The following TENM3 variants were observed in gnomAD, a reference collection of about 807,000 sequenced individuals.
The protein encoded by TENM3 is teneurin-3.
Under a neutral mutation model 255.1 loss-of-function variants are expected in TENM3, and 63 were observed. That is an observed-to-expected ratio of 0.25 (90% confidence interval 0.20 to 0.30). The LOEUF (loss-of-function observed/expected upper bound fraction) is 0.30, where lower values mean the gene tolerates loss of function less well. Among genes scored for constraint, TENM3 ranks in the 10% least tolerant of loss-of-function variants. The pLI is 1.00. For missense variants in TENM3, 2,929 were observed against 3,461.1 expected (o/e 0.85, Z 3.86); for synonymous variants, 1,306 against 1,322.3 (o/e 0.99, Z 0.27).
intron 3 of TENM3, among the ~76,000 whole-genome samples, chr4:182,517,123 AT>A (rs925367701): frequency 2.6e-5 from 4 of 152,164 alleles, no homozygotes; most frequent in Admixed American, 6.5e-5. Context: ...GAAACTCTGC[AT>A]TTTGAAAGAA....
the TENM3 span, among the ~76,000 whole-genome samples, chr4:181,546,603 A>G: frequency 1.4e-5 from 2 of 140,632 alleles, 1 homozygote; most frequent in East Asian, 4.3e-4. Context: ...AGTCCCAGCT[A>G]CTCGGGAGGC....
chr4:182,403,623 T>A (rs1197761731), intron 3 of TENM3, among the ~76,000 whole-genome samples: 1 of 152,244 alleles, frequency 6.6e-6, no homozygotes, highest in Non-Finnish European at 1.5e-5. Flanking sequence ...GAAGTAGTGA[T>A]GTGTCTCTGC....
intron 5 of TENM3, among the ~76,000 whole-genome samples, chr4:182,652,466 T>C (rs1723817124): frequency 6.6e-6 from 1 of 152,212 alleles, no homozygotes; most frequent in Non-Finnish European, 1.5e-5. Flanking sequence ...ATGCCCTGTC[T>C]AGAATCTTCT....
chr4:182,170,422 C>A (rs1752026288), intron 1 of TENM3, among the ~76,000 whole-genome samples: 2 of 152,070 alleles, frequency 1.3e-5, no homozygotes, highest in African/African-American at 2.4e-5. Flanking sequence ...TAGAAGTTGG[C>A]AAATTAGCAG....
the TENM3 span, among the ~76,000 whole-genome samples, chr4:182,090,302 T>G: frequency 2.0e-5 from 3 of 152,250 alleles, no homozygotes; most frequent in Non-Finnish European, 4.4e-5. Context: ...CAATCATGTT[T>G]GGCGACAGAC....
the TENM3 span, among the ~76,000 whole-genome samples, chr4:182,135,285 T>C: frequency 6.6e-6 from 1 of 151,894 alleles, no homozygotes; most frequent in African/African-American, 2.4e-5. Context: ...CCTAGAAGGT[T>C]GTTAGAAATA....
intron 3 of TENM3, among the ~76,000 whole-genome samples, chr4:182,445,918 G>A (rs1339644521): frequency 6.6e-6 from 1 of 152,110 alleles, no homozygotes; most frequent in South Asian, 2.1e-4. Context: ...TGACATCATC[G>A]ATATGGCAAA....
chr4:182,356,563 G>A (rs1207312075), intron 3 of TENM3, among the ~76,000 whole-genome samples: 2 of 150,750 alleles, frequency 1.3e-5, no homozygotes, highest in East Asian at 3.9e-4. Context: ...GGACGGAGCG[G>A]CAGAACAACA....
intron 3 of TENM3, among the ~76,000 whole-genome samples, chr4:182,440,891 G>A (rs1277450754): frequency 2.0e-5 from 3 of 151,606 alleles, no homozygotes; most frequent in Non-Finnish European, 2.9e-5. Context: ...AAGTAAACAC[G>A]TGTCACGGGG....
chr4:182,467,627 C>T (rs1732721922), intron 3 of TENM3, among the ~76,000 whole-genome samples: 1 of 152,100 alleles, frequency 6.6e-6, no homozygotes, highest in Non-Finnish European at 1.5e-5. Flanking sequence ...TATGGGAAAG[C>T]CCTTTCAGAG....
chr4:182,368,260 A>G (rs1353124437), intron 3 of TENM3, among the ~76,000 whole-genome samples: 1 of 152,200 alleles, frequency 6.6e-6, no homozygotes, highest in Non-Finnish European at 1.5e-5. Flanking sequence ...AGGATGGTGC[A>G]AGGAAGTAGG....
At chr4:182,102,934 T>C in the TENM3 span, among the ~76,000 whole-genome samples, 1 of 152,200 alleles carries the variant, frequency 6.6e-6, no homozygotes, top group Non-Finnish European at 1.5e-5. Flanking sequence ...CTCAACTGCA[T>C]TACCTTTTAC....
the TENM3 span, among the ~76,000 whole-genome samples, chr4:181,566,295 A>C: frequency 6.6e-6 from 1 of 152,160 alleles, no homozygotes; most frequent in Non-Finnish European, 1.5e-5. Flanking sequence ...TTTCAGAAAA[A>C]CTGTTTGAGA....
intron 3 of TENM3, among the ~76,000 whole-genome samples, chr4:182,538,231 T>G (rs4862075): frequency 0.89 from 135,696 of 152,216 alleles, 60,636 homozygotes; most frequent in East Asian, 0.96. Flanking sequence ...TTTATGGAGT[T>G]CCCAGAGGCA....
chr4:182,262,791 C>T (rs12508573), intron 1 of TENM3, among the ~76,000 whole-genome samples: 2 of 148,184 alleles, frequency 1.3e-5, no homozygotes, highest in African/African-American at 2.5e-5. Context: ...TCAGCTCACT[C>T]CAAGCTCCGC....
At chr4:182,560,764 T>C (rs1215930932) in intron 3 of TENM3, among the ~76,000 whole-genome samples, 1 of 152,040 alleles carries the variant, frequency 6.6e-6, no homozygotes, top group Non-Finnish European at 1.5e-5. Flanking sequence ...TAGGACATCA[T>C]AAATGAACAG....
At chr4:182,342,948 T>C (rs55920796) in intron 2 of TENM3, among the ~76,000 whole-genome samples, 1,587 of 152,292 alleles carry the variant, frequency 0.01, 30 homozygotes, top group African/African-American at 0.036. Context: ...AAAGAACAAA[T>C]AGCTAACCCA....
At chr4:182,775,211 C>A in intron 24 of TENM3, 58 bp downstream of exon 24, 1 of 1,505,584 alleles carries the variant, frequency 6.6e-7, no homozygotes, top group Non-Finnish European at 9.2e-7. Flanking sequence ...TGCAGATCAT[C>A]CTGAGGGCAG....
chr4:182,242,191 A>G (rs559015001), upstream of TENM3, among the ~76,000 whole-genome samples: 3 of 151,768 alleles, frequency 2.0e-5, no homozygotes, highest in Admixed American at 6.6e-5. Context: ...TATATCTCCT[A>G]ATGCTATCCC....
Sources: allele counts gnomAD v4.1 joint callset (sites outside exome capture counted in the v4.1 genomes callset), GRCh38; gene constraint gnomAD v4.1.1; transcripts MANE v1.5; gene names NCBI Gene and HGNC (gene_info 2026-07-23, HGNC 2026-07-21).